KCNJ3: variants seen among roughly 807,000 people sequenced by gnomAD.
The protein encoded by KCNJ3 is potassium inwardly rectifying channel subfamily J member 3.
In KCNJ3, 4 loss-of-function variants were observed where a neutral mutation model predicts 39.2. The observed-to-expected ratio is 0.10, with a 90% CI of 0.05 to 0.23. The LOEUF is 0.23. Ranked by LOEUF, KCNJ3 falls within the 10% of genes least tolerant of loss-of-function variation. The pLI is 1.00. For synonymous variants in KCNJ3, 230 were observed against 237.4 expected (o/e 0.97, Z 0.29); for missense variants, 276 against 634.9 (o/e 0.43, Z 6.08).
chr2:154,720,601 T>G (rs753500395), intron 2 of KCNJ3, among the ~76,000 whole-genome samples: 1 of 152,068 alleles, frequency 6.6e-6, no homozygotes, highest in Non-Finnish European at 1.5e-5. Context: ...CTTATTCACA[T>G]GTAGTACCGA....
chr2:154,844,626 T>A (rs2105133203), intron 2 of KCNJ3, among the ~76,000 whole-genome samples: 1 of 152,004 alleles, frequency 6.6e-6, no homozygotes, highest in African/African-American at 2.4e-5. Context: ...CCCGGTCGCT[T>A]TGTTTATCTA....
chr2:154,724,048 C>T (rs1455007201), intron 2 of KCNJ3, among the ~76,000 whole-genome samples: 1 of 152,102 alleles, frequency 6.6e-6, no homozygotes, highest in East Asian at 1.9e-4. Context: ...TCATATACCA[C>T]TTGTCTTTCA....
intron 2 of KCNJ3, among the ~76,000 whole-genome samples, chr2:154,845,522 G>T (rs1050436170): frequency 2.6e-5 from 4 of 152,168 alleles, no homozygotes; most frequent in African/African-American, 4.8e-5. Flanking sequence ...GCTAAAAATT[G>T]TATCTTACTG....
At chr2:154,853,207 T>C (rs1449595518) in intron 2 of KCNJ3, among the ~76,000 whole-genome samples, 2 of 151,300 alleles carry the variant, frequency 1.3e-5, no homozygotes, top group Non-Finnish European at 2.9e-5. Flanking sequence ...ACATGATAGA[T>C]ACTAATTTTC....
intron 2 of KCNJ3, among the ~76,000 whole-genome samples, chr2:154,795,394 T>C (rs1448012938): frequency 6.6e-6 from 1 of 151,964 alleles, no homozygotes; most frequent in Non-Finnish European, 1.5e-5. Flanking sequence ...ATTTTTTTCT[T>C]CTTCCATTTA....
At chr2:154,834,819 A>AAAT (rs1464908629) in intron 2 of KCNJ3, among the ~76,000 whole-genome samples, 2 of 152,092 alleles carry the variant, frequency 1.3e-5, no homozygotes, top group Non-Finnish European at 2.9e-5. Flanking sequence ...AGTAAATTTT[A>AAAT]AATGATGCCA....
In KCNJ3 at chr2:154,750,055, G is replaced by A. The variant is rs562278686; in HGVS notation, c.919+40236G>A. Among the ~76,000 whole-genome samples, 5 of 152,126 alleles carry A rather than the reference G, an allele frequency of 3.3e-5. No individual in the cohort carries two copies. In the South Asian group the frequency reaches 1.0e-3, roughly 31 times the overall value. Reference sequence around the variant, plus strand: ...TAAATGTCTTGTAGAAGAAAGCCTAGTGAATAGCAATAAAGCAAGTATGTC... The same window carrying A: ...TAAATGTCTTGTAGAAGAAAGCCTAATGAATAGCAATAAAGCAAGTATGTC... On this transcript the variant is annotated intron_variant, in intron 2 of 2. Transcript: ENST00000295101.
intron 2 of KCNJ3, among the ~76,000 whole-genome samples, chr2:154,767,638 A>G (rs909218010): frequency 6.6e-6 from 1 of 152,232 alleles, no homozygotes; most frequent in African/African-American, 2.4e-5. Flanking sequence ...GTAGTGCCAC[A>G]ATAAACATAC....
At chr2:154,734,004 G>A (rs138357713) in intron 2 of KCNJ3, among the ~76,000 whole-genome samples, 219 of 152,218 alleles carry the variant, frequency 1.4e-3, no homozygotes, top group Non-Finnish European at 2.2e-3. Flanking sequence ...TCTGTATTAC[G>A]TTTGCAAATT....
chr2:154,728,764 T>C (rs1423967616), intron 2 of KCNJ3, among the ~76,000 whole-genome samples: 2 of 152,190 alleles, frequency 1.3e-5, no homozygotes, highest in Non-Finnish European at 2.9e-5. Flanking sequence ...ATATGCCATG[T>C]AGTATTCGTG....
In KCNJ3 at chr2:154,834,622, C is replaced by T. The variant is rs555589213; in HGVS notation, c.920-20105C>T. Among the ~76,000 whole-genome samples the T allele has an allele frequency of 3.4e-3, 520 of 151,636 alleles. 2 individuals are homozygous for T. Among genetic ancestry groups the T allele is most frequent in the Non-Finnish European group, 6.0e-3 (410 of 67,878 alleles). On this transcript the variant is annotated intron_variant, in intron 2 of 2. Transcript: ENST00000295101. Reference sequence around the variant, plus strand: ...CGGGCGCCTGTAATCCCAGCTACTCCGGAGGCTGAGACAGGAGAATGGCGT... The same window carrying T: ...CGGGCGCCTGTAATCCCAGCTACTCTGGAGGCTGAGACAGGAGAATGGCGT...
At chr2:154,824,905 A>G (rs1574476082) in intron 2 of KCNJ3, among the ~76,000 whole-genome samples, 1 of 152,304 alleles carries the variant, frequency 6.6e-6, no homozygotes, top group East Asian at 1.9e-4. Context: ...GGTCTTCTCA[A>G]AAGTAATGCA....
chr2:154,729,198 T>G (rs1325317223), intron 2 of KCNJ3, among the ~76,000 whole-genome samples: 1 of 152,190 alleles, frequency 6.6e-6, no homozygotes, highest in Non-Finnish European at 1.5e-5. Context: ...TTCAGAATGT[T>G]TTTTAGTTAA....
chr2:154,717,527 A>T (rs897775858), intron 2 of KCNJ3, among the ~76,000 whole-genome samples: 2 of 152,196 alleles, frequency 1.3e-5, no homozygotes, highest in African/African-American at 2.4e-5. Flanking sequence ...AAAATAATTT[A>T]AAAAGCCCTT....
chr2:154,743,631 A>G (rs1451531005), intron 2 of KCNJ3, among the ~76,000 whole-genome samples: 3 of 151,260 alleles, frequency 2.0e-5, no homozygotes, highest in Admixed American at 6.6e-5. Flanking sequence ...ATGCTCATTC[A>G]TTGCAAGTGT....
At chr2:154,825,545 T>TTAA (rs1687256220) in intron 2 of KCNJ3, among the ~76,000 whole-genome samples, 1 of 24,862 alleles carries the variant, frequency 4.0e-5, no homozygotes, top group African/African-American at 6.5e-5. Flanking sequence ...CATGAAATTA[T>TTAA]TTATTTATTT....
At chr2:154,799,907 C>T (rs1362543331) in intron 2 of KCNJ3, among the ~76,000 whole-genome samples, 1 of 152,112 alleles carries the variant, frequency 6.6e-6, no homozygotes, top group African/African-American at 2.4e-5. Flanking sequence ...TTATGTAGTA[C>T]GTTAGCAGAT....
chr2:154,810,960 G>A (rs1686999150), intron 2 of KCNJ3, among the ~76,000 whole-genome samples: 1 of 152,164 alleles, frequency 6.6e-6, no homozygotes, highest in Admixed American at 6.6e-5. Context: ...AAAGTTAAAT[G>A]TTATTTTAGA....
intron 1 of KCNJ3, among the ~76,000 whole-genome samples, chr2:154,702,179 C>A (rs1338012634): frequency 6.6e-6 from 1 of 151,928 alleles, no homozygotes; most frequent in Non-Finnish European, 1.5e-5. Flanking sequence ...CAATTTCCCC[C>A]TTTTAACCTC....
Sources: gnomAD v4.1 joint callset for allele counts (sites outside exome capture counted in the v4.1 genomes callset) on GRCh38, gnomAD v4.1.1 for gene constraint, MANE v1.5 for transcripts, NCBI Gene and HGNC (gene_info 2026-07-23, HGNC 2026-07-21) for gene names.